The following KIAA1217 variants were observed in gnomAD, a reference collection of about 807,000 sequenced individuals.
KIAA1217 encodes the protein KIAA1217.
Under a neutral mutation model 163.9 loss-of-function variants are expected in KIAA1217, and 88 were observed. That is an observed-to-expected ratio of 0.54 (90% CI 0.45 to 0.64). KIAA1217 has a LOEUF of 0.64. Ranked by LOEUF, KIAA1217 falls within the 30% of genes least tolerant of loss-of-function variation. The pLI, the probability that KIAA1217 is intolerant of heterozygous loss-of-function variation, is 0.00. For missense variants in KIAA1217, 2,372 were observed against 2,475.0 expected (o/e 0.96, Z 0.88); for synonymous variants, 903 against 923.1 (o/e 0.98, Z 0.39).
chr10:23,969,438 A>G (rs750266075), intron 1 of KIAA1217, among the ~76,000 whole-genome samples: 1 of 152,246 alleles, frequency 6.6e-6, no homozygotes, highest in Non-Finnish European at 1.5e-5. Context: ...TAATTTCCCC[A>G]CAACCTCACC....
rs372184207 is a variant in KIAA1217, at chr10:24,316,028, T to C, written c.355-64841T>C. Among the ~76,000 whole-genome samples, 16 of 152,178 alleles carry C rather than the reference T, an allele frequency of 1.1e-4. No homozygotes were observed. In the East Asian group the frequency reaches 1.7e-3, roughly 17 times the overall value. On this transcript the variant is annotated intron_variant, in intron 2 of 20. Transcript: ENST00000376454. Reference sequence around the variant, plus strand: ...CTGAAAATGCTGTCTTCGAACACTTTAGGCATCTGTTTCTACCTAAGAGAT... The same window carrying C: ...CTGAAAATGCTGTCTTCGAACACTTCAGGCATCTGTTTCTACCTAAGAGAT...
At chr10:23,850,711 C>T (rs1189103973) in intron 1 of KIAA1217, among the ~76,000 whole-genome samples, 2 of 152,028 alleles carry the variant, frequency 1.3e-5, no homozygotes, top group Non-Finnish European at 2.9e-5. Flanking sequence ...TAAAAAACTA[C>T]CTGAGACTGA....
chr10:24,120,049 A>G (rs965246154), intron 2 of KIAA1217, among the ~76,000 whole-genome samples: 4 of 152,202 alleles, frequency 2.6e-5, no homozygotes, highest in African/African-American at 7.2e-5. Context: ...ACCTCCAAGA[A>G]ACATGATTCC....
intron 1 of KIAA1217, among the ~76,000 whole-genome samples, chr10:23,823,248 G>A (rs114586667): frequency 1.6e-3 from 237 of 152,290 alleles, no homozygotes; most frequent in African/African-American, 5.6e-3. Flanking sequence ...GGTTCGTTAC[G>A]GTTGTAGGAC....
At chr10:24,449,317 T>C (rs1770483902) in intron 5 of KIAA1217, 1 of 316,600 alleles carries the variant, frequency 3.2e-6, no homozygotes, top group Admixed American at 6.5e-5. Context: ...TTGCTTTTCC[T>C]TGTACTATTT....
At chr10:23,917,575 G>A (rs1344296193) in intron 1 of KIAA1217, among the ~76,000 whole-genome samples, 3 of 152,298 alleles carry the variant, frequency 2.0e-5, no homozygotes, top group African/African-American at 4.8e-5. Context: ...CTGACTGTGC[G>A]AGTGAAAAGT....
At chr10:23,796,659 G>A (rs1043995062) in intron 1 of KIAA1217, among the ~76,000 whole-genome samples, 3 of 151,878 alleles carry the variant, frequency 2.0e-5, no homozygotes, top group Admixed American at 6.6e-5. Context: ...CACTGCGCCC[G>A]GCTGCTTTGT....
chr10:23,926,648 C>T, intron 1 of KIAA1217, among the ~76,000 whole-genome samples: 1 of 151,906 alleles, frequency 6.6e-6, no homozygotes, highest in Non-Finnish European at 1.5e-5. Flanking sequence ...TTGCTTGAAC[C>T]CGGGAGGCGG....
intron 1 of KIAA1217, among the ~76,000 whole-genome samples, chr10:24,214,232 G>A (rs1191606848): frequency 1.3e-5 from 2 of 152,162 alleles, no homozygotes; most frequent in African/African-American, 2.4e-5. Flanking sequence ...CCTGCTAACC[G>A]ATTATGTGTA....
intron 3 of KIAA1217, among the ~76,000 whole-genome samples, chr10:24,425,135 C>G (rs1197229458): frequency 6.6e-6 from 1 of 152,074 alleles, no homozygotes; most frequent in Non-Finnish European, 1.5e-5. Context: ...CTGGCCAGTC[C>G]GTTTAGCGAT....
chr10:24,127,909 A>C (rs2063522498), intron 2 of KIAA1217, among the ~76,000 whole-genome samples: 1 of 152,236 alleles, frequency 6.6e-6, no homozygotes, highest in South Asian at 2.1e-4. Flanking sequence ...TGTTAGTAAT[A>C]AGTCAGCAAT....
At chr10:23,725,915 T>A (rs1946598176) in intron 1 of KIAA1217, among the ~76,000 whole-genome samples, 1 of 152,228 alleles carries the variant, frequency 6.6e-6, no homozygotes, top group African/African-American at 2.4e-5. Context: ...CCCTCTTGTT[T>A]AAAAAGGTTG....
rs576146755 is a variant in KIAA1217 at position 23,756,613 on chromosome 10, C to T, written c.-321+61379C>T. Among the ~76,000 whole-genome samples, 98 of 152,060 alleles carry T rather than the reference C, an allele frequency of 6.4e-4. 1 individual carries two copies. The highest frequency in any genetic ancestry group is 1.8e-3 in the African/African-American group (74 of 41,500). On this transcript the variant is annotated intron_variant, in intron 1 of 18. Transcript: ENST00000376462. ...ACTAATGAATGTAAGCATAAAGGGA[C>T]GATAGTTTTATTAAATCTTAGGTTG... is the stretch of plus-strand genomic sequence containing the variant.
At chr10:24,304,193 A>G (rs1205429881) in intron 2 of KIAA1217, among the ~76,000 whole-genome samples, 2 of 141,126 alleles carry the variant, frequency 1.4e-5, no homozygotes, top group South Asian at 2.2e-4. Flanking sequence ...TTCGAATTCC[A>G]TATTAGGTTA....
Position 23,918,733 on chromosome 10 carries a change from T to TACACACAC in KIAA1217, c.-320-88466_-320-88459dup, listed in dbSNP as rs1554823731. 4.1e-3 allele frequency among the ~76,000 whole-genome samples: 607 copies of TACACACAC among 147,570 alleles called. 5 individuals are homozygous for TACACACAC. Among genetic ancestry groups the TACACACAC allele is most frequent in the African/African-American group, 0.014 (563 of 40,020 alleles). ...GTGTGATCTTTAAGAATTAAATATA[T>TACACACAC]ACACACACACACACACACACACACA... On this transcript the variant is annotated intron_variant, in intron 1 of 18. Coordinates refer to the KIAA1217 transcript ENST00000376462.
intron 13 of KIAA1217, among the ~76,000 whole-genome samples, chr10:24,526,331 G>A (rs192714527): frequency 1.6e-4 from 24 of 152,250 alleles, no homozygotes; most frequent in Non-Finnish European, 3.4e-4. Context: ...TTTTAAAAAC[G>A]CATATCACAA....
chr10:24,026,554 T>C (rs1847946434), intron 2 of KIAA1217, among the ~76,000 whole-genome samples: 1 of 151,894 alleles, frequency 6.6e-6, no homozygotes, highest in African/African-American at 2.4e-5. Flanking sequence ...GGTATAAAGC[T>C]ATTCATAATT....
At chr10:24,401,147 A>G (rs1350563656) in intron 3 of KIAA1217, among the ~76,000 whole-genome samples, 2 of 151,848 alleles carry the variant, frequency 1.3e-5, no homozygotes, top group African/African-American at 4.8e-5. Flanking sequence ...CAAGAGTAAT[A>G]GCTTCAAAAT....
At chr10:24,312,233 T>C (rs921008943) in intron 2 of KIAA1217, among the ~76,000 whole-genome samples, 3 of 149,892 alleles carry the variant, frequency 2.0e-5, no homozygotes, top group Non-Finnish European at 3.0e-5. Flanking sequence ...AAAACAGATA[T>C]ACACAGACAT....
Sources: gnomAD v4.1 joint callset for allele counts (sites outside exome capture counted in the v4.1 genomes callset) on GRCh38, gnomAD v4.1.1 for gene constraint, MANE v1.5 for transcripts, NCBI Gene and HGNC (gene_info 2026-07-23, HGNC 2026-07-21) for gene names.